Variants in HDAC8 observed in about 807,000 individuals in gnomAD.
HDAC8 encodes histone deacetylase 8.
HDAC8 carries 1 observed loss-of-function variant against 32.2 expected under a neutral mutation model. The ratio of observed to expected loss-of-function variants is 0.03; its 90% CI spans 0.01 to 0.15. The LOEUF (loss-of-function observed/expected upper bound fraction) is 0.15, where lower values mean the gene tolerates loss of function less well. Ranked by LOEUF, HDAC8 falls within the 10% of genes least tolerant of loss-of-function variation. The probability of loss-of-function intolerance (pLI) is 1.00; values close to 1 mark genes in which losing one functional copy is unlikely to be tolerated. For synonymous variants in HDAC8, 108 were observed against 113.9 expected (o/e 0.95, Z 0.33); for missense variants, 117 against 300.0 (o/e 0.39, Z 4.51).
chrX:72,346,811 A>G (rs3012659), intron 10 of HDAC8, among the ~76,000 whole-genome samples: 51,559 of 109,975 alleles, frequency 0.47, 10,859 homozygotes, highest in East Asian at 0.97. Flanking sequence ...AGCCTATGTC[A>G]GGGGCCAGAA....
At chrX:72,452,346 C>A (rs782194597) in intron 9 of HDAC8, among the ~76,000 whole-genome samples, 1 of 112,027 alleles carries the variant, frequency 8.9e-6, no homozygotes. Flanking sequence ...ATCCCAGCTA[C>A]TGGGGAAGCT....
intron 7 of HDAC8, chrX:72,480,560 T>C (rs1028328355): frequency 3.9e-5 from 10 of 254,734 alleles, no homozygotes; most frequent in Non-Finnish European, 6.6e-5. Flanking sequence ...ACTGGGTATA[T>C]ACCCAAAGGA....
In HDAC8 at chrX:72,338,790, T is replaced by G. The variant is rs183785916; in HGVS notation, c.1112-8714A>C. ...CAGGCCAAGCCCAGTGGCTCACGCC[T>G]GTAATCCCAGCACTTTGGGAGTCTG... On this transcript the variant is annotated intron_variant, in intron 10 of 10. Transcript: ENST00000373573. 9.1e-3 allele frequency among the ~76,000 whole-genome samples: 959 copies of G among 105,044 alleles called. 11 individuals are homozygous for G. The highest frequency in any genetic ancestry group is 0.031 in the African/African-American group (903 of 28,971). 91.2% of individuals were successfully genotyped at this position (105,044 alleles called of 115,157 possible).
intron 4 of HDAC8, among the ~76,000 whole-genome samples, chrX:72,524,994 G>A (rs1310955479): frequency 4.5e-5 from 5 of 111,540 alleles, no homozygotes; most frequent in Non-Finnish European, 9.4e-5. Flanking sequence ...GTTTCATCAG[G>A]CATTAGATTC....
chrX:72,353,518 A>G (rs1257152268), intron 9 of HDAC8, among the ~76,000 whole-genome samples: 1 of 111,838 alleles, frequency 8.9e-6, no homozygotes, highest in African/African-American at 3.3e-5. Flanking sequence ...AAGAGAGGTT[A>G]CCTGGGGGAC....
At chrX:72,550,920 A>G (rs2051045070) in intron 4 of HDAC8, among the ~76,000 whole-genome samples, 1 of 111,675 alleles carries the variant, frequency 9.0e-6, no homozygotes, top group Non-Finnish European at 1.9e-5. Context: ...CAGCTCAAAG[A>G]ACCCACTCCT....
At chrX:72,505,180 C>T (rs893203333) in intron 4 of HDAC8, among the ~76,000 whole-genome samples, 2 of 110,456 alleles carry the variant, frequency 1.8e-5, no homozygotes, top group African/African-American at 3.3e-5. Flanking sequence ...ATATTTTCTC[C>T]GATTCTGCAG....
At chrX:72,466,994 A>T (rs1555994984) in intron 7 of HDAC8, 1 of 111,998 alleles carries the variant, frequency 8.9e-6, no homozygotes, top group East Asian at 2.8e-4. Context: ...GAGCCCATTC[A>T]TATTACATTT....
intron 10 of HDAC8, among the ~76,000 whole-genome samples, chrX:72,332,795 G>T (rs942484067): frequency 2.7e-5 from 3 of 110,565 alleles, no homozygotes; most frequent in Non-Finnish European, 5.7e-5. Flanking sequence ...GGGATTACAG[G>T]CATGTGCCAC....
intron 4 of HDAC8, among the ~76,000 whole-genome samples, chrX:72,547,206 T>C (rs1556057855): frequency 9.0e-6 from 1 of 111,438 alleles, no homozygotes; most frequent in Non-Finnish European, 1.9e-5. Context: ...GATTCACACT[T>C]CAGTACCTAT....
chrX:72,329,756 C>T lies in HDAC8; in HGVS notation c.*298G>A, dbSNP rs940674009. ...GATTAAAATACTCCCCTCCCCAATT[C>T]GCTTAAAAATAATTTTCAAAGATTA... is the stretch of plus-strand genomic sequence containing the variant. On this transcript the variant is annotated 3_prime_UTR_variant, in exon 11 of 11. Coordinates refer to ENST00000373573, the MANE Select transcript of HDAC8 (RefSeq NM_018486.3). 65 of 1,145,171 alleles carry T rather than the reference C, an allele frequency of 5.7e-5. No individual in the cohort carries two copies. Among genetic ancestry groups the T allele is most frequent in the East Asian group, 1.3e-4 (4 of 30,817 alleles). The allele number at this position is 1,145,171 out of a possible 1,213,427, so 94.4% of individuals were successfully genotyped here.
At chrX:72,456,953 C>CA (rs1282182594) in intron 9 of HDAC8, among the ~76,000 whole-genome samples, 3 of 110,978 alleles carry the variant, frequency 2.7e-5, no homozygotes, top group Non-Finnish European at 5.7e-5. Flanking sequence ...TCAACATAGA[C>CA]ACAAAAAAAC....
intron 7 of HDAC8, among the ~76,000 whole-genome samples, chrX:72,478,664 T>C (rs1299179197): frequency 9.3e-6 from 1 of 107,095 alleles, no homozygotes; most frequent in Non-Finnish European, 1.9e-5. Context: ...CCTTTTTTTT[T>C]TTTTTTTTTG....
intron 4 of HDAC8, among the ~76,000 whole-genome samples, chrX:72,559,552 C>G (rs1476342777): frequency 9.1e-5 from 9 of 98,649 alleles, no homozygotes; most frequent in African/African-American, 1.9e-4. Flanking sequence ...TGTGAGGAGC[C>G]CCTCTGCCCC....
intron 2 of HDAC8, among the ~76,000 whole-genome samples, chrX:72,569,178 A>T (rs1281700450): frequency 9.8e-5 from 11 of 112,653 alleles, no homozygotes; most frequent in Non-Finnish European, 1.9e-4. Context: ...GGTATCAGAC[A>T]GACTTTACCC....
chrX:72,356,704 C>T (rs1186698997), intron 9 of HDAC8, among the ~76,000 whole-genome samples: 6 of 111,147 alleles, frequency 5.4e-5, no homozygotes, highest in African/African-American at 1.3e-4. Context: ...CTCAGCCACC[C>T]GAGTAACTGG....
intron 4 of HDAC8, among the ~76,000 whole-genome samples, chrX:72,524,436 C>T (rs2050075079): frequency 8.9e-6 from 1 of 111,783 alleles, no homozygotes; most frequent in African/African-American, 3.3e-5. Context: ...GATCACAGCG[C>T]TCTTTCCCAT....
chrX:72,378,039 TA>T (rs1453339425), intron 9 of HDAC8, among the ~76,000 whole-genome samples: 11 of 110,590 alleles, frequency 9.9e-5, no homozygotes, highest in East Asian at 2.8e-4. Flanking sequence ...TGTATATGTA[TA>T]TTTTTTTTTT....
rs375666993 is a variant in HDAC8 at position 72,337,459 on chromosome X, G to C, written c.1112-7383C>G. ...TTTTTTCCTTCATGACGTTGACTAG[G>C]GGTCATCCTTACTCCTCCTTTGTTT... On this transcript the variant is annotated intron_variant, in intron 10 of 10. Transcript: ENST00000373573. 7.2e-5 allele frequency among the ~76,000 whole-genome samples: 8 copies of C among 111,299 alleles called. No homozygotes were observed. The East Asian group carries it at 2.3e-3, about 32-fold the overall frequency.
Sources: allele counts gnomAD v4.1 joint callset (sites outside exome capture counted in the v4.1 genomes callset), GRCh38; gene constraint gnomAD v4.1.1; transcripts MANE v1.5; gene names NCBI Gene and HGNC (gene_info 2026-07-23, HGNC 2026-07-21).